CAMK1D: variants seen among roughly 807,000 people sequenced by gnomAD.
CAMK1D encodes the protein calcium/calmodulin-dependent protein kinase type 1D.
Under a neutral mutation model 47.7 loss-of-function variants are expected in CAMK1D, and 9 were observed. The ratio of observed to expected loss-of-function variants is 0.19; its 90% confidence interval spans 0.11 to 0.33. The LOEUF is 0.33. Ranked by LOEUF, CAMK1D falls within the 10% of genes least tolerant of loss-of-function variation. CAMK1D has a pLI of 1.00. For missense variants in CAMK1D, 291 were observed against 488.7 expected (o/e 0.60, Z 3.81); for synonymous variants, 184 against 184.9 (o/e 0.99, Z 0.04).
At chr10:12,482,077 G>A (rs969327527) in intron 1 of CAMK1D, among the ~76,000 whole-genome samples, 2 of 152,238 alleles carry the variant, frequency 1.3e-5, no homozygotes, top group Non-Finnish European at 2.9e-5. Flanking sequence ...TTTCCCTTGA[G>A]GGGGTGGTTA....
chr10:12,757,030 C>G (rs544010980), intron 3 of CAMK1D, among the ~76,000 whole-genome samples: 1 of 152,196 alleles, frequency 6.6e-6, no homozygotes, highest in East Asian at 1.9e-4. Context: ...TTGACTATCT[C>G]TTCTGTCTTC....
intron 1 of CAMK1D, among the ~76,000 whole-genome samples, chr10:12,530,057 C>T (rs531996764): frequency 3.3e-5 from 5 of 152,306 alleles, no homozygotes; most frequent in East Asian, 1.9e-4. Context: ...TTGTGATATA[C>T]GTAAGCATAC....
chr10:12,814,462 G>A (rs573325975), intron 7 of CAMK1D, among the ~76,000 whole-genome samples, 155 bp downstream of exon 7: 177 of 152,278 alleles, frequency 1.2e-3, no homozygotes, highest in Admixed American at 3.5e-3. Flanking sequence ...CATAGACTGG[G>A]TGGCTCAAAC....
At chr10:12,402,191 C>T (rs542081056) in intron 1 of CAMK1D, among the ~76,000 whole-genome samples, 6 of 152,174 alleles carry the variant, frequency 3.9e-5, no homozygotes, top group Admixed American at 3.3e-4. Flanking sequence ...ATCTGCGTGC[C>T]TCGGCTTCCC....
intron 1 of CAMK1D, among the ~76,000 whole-genome samples, chr10:12,451,602 TAATA>T (rs1833085194): frequency 6.6e-6 from 1 of 152,258 alleles, no homozygotes; most frequent in Non-Finnish European, 1.5e-5. Flanking sequence ...TAGTGGCACT[TAATA>T]AATATTAATT....
At chr10:12,399,884 A>G (rs189812774) in intron 1 of CAMK1D, among the ~76,000 whole-genome samples, 3 of 152,296 alleles carry the variant, frequency 2.0e-5, no homozygotes, top group Admixed American at 2.0e-4. Context: ...CTGTGAGTTC[A>G]ATATTAATGA....
At position 12,506,074 on chromosome 10, in the gene CAMK1D, G is replaced by GT. The variant is rs1834861918; in HGVS notation, c.93-47150dup. On this transcript the variant is annotated intron_variant, in intron 1 of 10. Coordinates refer to ENST00000619168, the MANE Select transcript of CAMK1D (RefSeq NM_153498.4). ...TTTATTTTCCCGTCCATGTAATGGT[G>GT]TATGATGCCTGTTCAGCTTGTTTCC... 2.0e-5 allele frequency among the ~76,000 whole-genome samples: 3 copies of GT among 152,262 alleles called. No individual in the cohort carries two copies. The South Asian group carries it at 6.2e-4, about 32-fold the overall frequency.
At chr10:12,533,145 AT>A (rs1196608487) in intron 1 of CAMK1D, among the ~76,000 whole-genome samples, 1 of 152,140 alleles carries the variant, frequency 6.6e-6, no homozygotes, top group Non-Finnish European at 1.5e-5. Context: ...CCATGATGGG[AT>A]TATTACGCAT....
At chr10:12,512,489 G>A (rs1012349623) in intron 1 of CAMK1D, among the ~76,000 whole-genome samples, 3 of 152,162 alleles carry the variant, frequency 2.0e-5, no homozygotes, top group East Asian at 1.9e-4. Flanking sequence ...TTCGCCTCCC[G>A]GGTTCAAGCG....
intron 1 of CAMK1D, among the ~76,000 whole-genome samples, chr10:12,537,598 G>A (rs1441688292): frequency 6.6e-6 from 1 of 152,164 alleles, no homozygotes; most frequent in African/African-American, 2.4e-5. Flanking sequence ...TGGCCATTCT[G>A]TGAATTGTAT....
chr10:12,670,948 C>T (rs1413573732), intron 3 of CAMK1D, among the ~76,000 whole-genome samples: 2 of 152,170 alleles, frequency 1.3e-5, no homozygotes, highest in Admixed American at 1.3e-4. Context: ...TACTCATTAG[C>T]AATCACTGTC....
At chr10:12,573,082 A>C (rs1204870483) in intron 2 of CAMK1D, among the ~76,000 whole-genome samples, 1 of 152,232 alleles carries the variant, frequency 6.6e-6, no homozygotes, top group African/African-American at 2.4e-5. Context: ...GAAGCAAAGA[A>C]GAAAGGCAAG....
chr10:12,453,963 A>G (rs1039714818), intron 1 of CAMK1D, among the ~76,000 whole-genome samples: 3 of 152,158 alleles, frequency 2.0e-5, no homozygotes, highest in African/African-American at 7.2e-5. Context: ...AGTCACCAAT[A>G]AAAATGCTGA....
intron 3 of CAMK1D, among the ~76,000 whole-genome samples, chr10:12,746,419 T>A (rs1295332280): frequency 6.6e-6 from 1 of 151,646 alleles, no homozygotes; most frequent in Non-Finnish European, 1.5e-5. Context: ...GGCTAACACA[T>A]TTTAGAAAAG....
chr10:12,717,174 A>T (rs1834176713), intron 3 of CAMK1D, among the ~76,000 whole-genome samples: 1 of 152,206 alleles, frequency 6.6e-6, no homozygotes, highest in African/African-American at 2.4e-5. Flanking sequence ...TTTAAAAATT[A>T]CATTTTGATT....
intron 2 of CAMK1D, among the ~76,000 whole-genome samples, chr10:12,636,611 AGCCACTGTGCCTG>A (rs1839518734): frequency 6.6e-6 from 1 of 152,174 alleles, no homozygotes. Context: ...TGTAGGCCTG[AGCCACTGTGCCTG>A]GCCTTATATG....
chr10:12,606,759 C>A (rs78149320), intron 2 of CAMK1D, among the ~76,000 whole-genome samples: 1 of 152,160 alleles, frequency 6.6e-6, no homozygotes, highest in Admixed American at 6.5e-5. Flanking sequence ...TATTATCATT[C>A]GCAAAGTGTA....
intron 2 of CAMK1D, among the ~76,000 whole-genome samples, chr10:12,635,433 G>C (rs984851520): frequency 6.6e-6 from 1 of 152,204 alleles, no homozygotes; most frequent in Non-Finnish European, 1.5e-5. Context: ...ATACAAAGTT[G>C]TGTTCATTCA....
intron 2 of CAMK1D, 107 bp from the exon 3 acceptor site, chr10:12,666,629 A>G: frequency 1.2e-6 from 1 of 839,258 alleles, no homozygotes; most frequent in South Asian, 1.6e-5. Context: ...CTTTTTGTTC[A>G]GGAGTTTGGA....
Sources: allele counts gnomAD v4.1 joint callset (sites outside exome capture counted in the v4.1 genomes callset), GRCh38; gene constraint gnomAD v4.1.1; transcripts MANE v1.5; gene names NCBI Gene and HGNC (gene_info 2026-07-23, HGNC 2026-07-21).